The following TCF7L1 variants were observed in gnomAD, a reference collection of about 807,000 sequenced individuals.
TCF7L1 encodes transcription factor 7-like 1.
In TCF7L1, 18 loss-of-function variants were observed where a neutral mutation model predicts 63.7. The observed-to-expected ratio is 0.28, with a 90% CI of 0.20 to 0.42. TCF7L1 has a LOEUF of 0.42. Ranked by LOEUF, TCF7L1 falls within the 10% of genes least tolerant of loss-of-function variation. The probability of loss-of-function intolerance (pLI) is 1.00; values close to 1 mark genes in which losing one functional copy is unlikely to be tolerated. For synonymous variants in TCF7L1, 355 were observed against 340.9 expected (o/e 1.04, Z -0.46); for missense variants, 654 against 779.3 (o/e 0.84, Z 1.91).
chr2:85,209,879 T>C (rs1016067534), intron 3 of TCF7L1, among the ~76,000 whole-genome samples: 16 of 152,098 alleles, frequency 1.1e-4, no homozygotes, highest in African/African-American at 3.4e-4. Flanking sequence ...AGATCTGGGG[T>C]GGTTCCAGAC....
Position 85,133,926 on chromosome 2 carries a change from A to C in TCF7L1, c.242A>C (p.Asp81Ala). ...TCGGAGAACCAGAGCAGCAGCTCGG[A>C]CTCGGAGGTAAGGAAGCACCGCGGC... Reference protein sequence around the residue: ...NESENQSSSSDSEAERRPQPV... With the variant: ...NESENQSSSSASEAERRPQPV... Residue 81 changes from aspartate (D) to alanine (A), a missense_variant, in exon 1 of 12, where the codon GAC (aspartate) becomes GCC (alanine). Coordinates refer to ENST00000282111, the MANE Select transcript of TCF7L1 (RefSeq NM_031283.3). The surrounding 1 kb of genome is among the most constrained non-coding windows in gnomAD (Gnocchi z 4.4). 6.5e-7 allele frequency: 1 copy of C among 1,534,802 alleles called. No homozygotes were observed. The highest frequency in any genetic ancestry group is 8.8e-7 in the Non-Finnish European group (1 of 1,136,514).
intron 3 of TCF7L1, among the ~76,000 whole-genome samples, chr2:85,282,928 C>T (rs1310162886): frequency 2.6e-5 from 4 of 151,400 alleles, no homozygotes; most frequent in African/African-American, 4.9e-5. Context: ...GGTTGAGAGA[C>T]GCTATAATGA....
chr2:85,158,294 T>C (rs1244168280), intron 3 of TCF7L1, among the ~76,000 whole-genome samples: 2 of 152,160 alleles, frequency 1.3e-5, no homozygotes, highest in African/African-American at 4.8e-5. Flanking sequence ...CATGGCACTT[T>C]AGAACATAGG....
At position 85,201,328 on chromosome 2, in the gene TCF7L1, T is replaced by G. The variant is rs1003278796; in HGVS notation, c.441+66878T>G. Reference sequence around the variant, plus strand: ...ATTTCTCTGACTATAAATGGTGCCATGTACAGTCTGTGTGTGCAAAAGTTT... The same window carrying G: ...ATTTCTCTGACTATAAATGGTGCCAGGTACAGTCTGTGTGTGCAAAAGTTT... On this transcript the variant is annotated intron_variant, in intron 3 of 11. Coordinates refer to ENST00000282111, the MANE Select transcript of TCF7L1 (RefSeq NM_031283.3). 2.0e-5 allele frequency among the ~76,000 whole-genome samples: 3 copies of G among 152,248 alleles called. No individual in the cohort carries two copies. The South Asian group carries it at 6.2e-4, about 31-fold the overall frequency.
Position 85,240,006 on chromosome 2 carries a change from A to G in TCF7L1, c.442-43489A>G, listed in dbSNP as rs1470416078. On this transcript the variant is annotated intron_variant, in intron 3 of 11. Transcript: ENST00000282111. ...AAAAGGAAGCAAGTAAATTAATTTT[A>G]ATAGTATATCTTATGTAACCCAATT... is the stretch of plus-strand genomic sequence containing the variant. 2.0e-5 allele frequency among the ~76,000 whole-genome samples: 3 copies of G among 152,102 alleles called. No homozygotes were observed. The East Asian group carries it at 5.8e-4, about 29-fold the overall frequency.
Position 85,134,087 on chromosome 2 carries a change from C to T in TCF7L1, c.313+8C>T, listed in dbSNP as rs1677530562. 1 of 1,608,888 alleles carries T rather than the reference C, an allele frequency of 6.2e-7. No individual in the cohort carries two copies. Among genetic ancestry groups the T allele is most frequent in the Non-Finnish European group, 8.5e-7 (1 of 1,178,760 alleles). On this transcript the variant is annotated splice_region_variant and intron_variant, in intron 2 of 11. Transcript: ENST00000282111. This position sits in a 1 kb window ranked among gnomAD's most constrained non-coding sequence, Gnocchi z 5.0. ...GGGACTATTTCGCCGAAGGTATGTG[C>T]CCGCTGGGACAGCCCCCCACTCTCG...
chr2:85,211,548 T>C (rs1679540419), intron 3 of TCF7L1, among the ~76,000 whole-genome samples: 1 of 152,206 alleles, frequency 6.6e-6, no homozygotes, highest in South Asian at 2.1e-4. Flanking sequence ...CTATGTGGGA[T>C]TTCATAAAAC....
chr2:85,281,879 C>T (rs963103787), intron 3 of TCF7L1, among the ~76,000 whole-genome samples: 1 of 152,208 alleles, frequency 6.6e-6, no homozygotes, highest in Non-Finnish European at 1.5e-5. Context: ...AGCAAAGGGG[C>T]CTTCTGGGGC....
chr2:85,167,902 G>A (rs1225885390), intron 3 of TCF7L1, among the ~76,000 whole-genome samples: 1 of 152,140 alleles, frequency 6.6e-6, no homozygotes, highest in East Asian at 1.9e-4. Context: ...TGCCGTTTGT[G>A]ACAACAAATG....
At chr2:85,183,148 G>C (rs960221392) in intron 3 of TCF7L1, among the ~76,000 whole-genome samples, 4 of 152,128 alleles carry the variant, frequency 2.6e-5, no homozygotes, top group South Asian at 2.1e-4. Flanking sequence ...GTGAAAAGGG[G>C]CAGCACAGAG....
chr2:85,232,307 T>C (rs1351239146), intron 3 of TCF7L1, among the ~76,000 whole-genome samples: 1 of 152,214 alleles, frequency 6.6e-6, no homozygotes, highest in Non-Finnish European at 1.5e-5. Flanking sequence ...GGTCAAGCGA[T>C]CTGTATACAT....
chr2:85,216,362 G>A (rs551881433), intron 3 of TCF7L1, among the ~76,000 whole-genome samples: 3 of 152,112 alleles, frequency 2.0e-5, no homozygotes, highest in African/African-American at 4.8e-5. Flanking sequence ...CAATTTGCCC[G>A]TTTCCGCTGC....
chr2:85,151,223 TGTGA>T (rs1177703590), intron 3 of TCF7L1, among the ~76,000 whole-genome samples: 1 of 152,214 alleles, frequency 6.6e-6, no homozygotes, highest in Non-Finnish European at 1.5e-5. Flanking sequence ...TTTCATAGGA[TGTGA>T]GTAACTTCCT....
chr2:85,162,696 A>C (rs138024593), intron 3 of TCF7L1, among the ~76,000 whole-genome samples: 3 of 152,196 alleles, frequency 2.0e-5, no homozygotes, highest in Admixed American at 6.5e-5. Context: ...AGGGACACTG[A>C]TAAGGACATG....
chr2:85,211,310 A>G (rs1363452389), intron 3 of TCF7L1, among the ~76,000 whole-genome samples: 2 of 152,226 alleles, frequency 1.3e-5, no homozygotes, highest in Non-Finnish European at 2.9e-5. Context: ...AGGTGTGTGC[A>G]CAGCACTGCC....
intron 3 of TCF7L1, among the ~76,000 whole-genome samples, chr2:85,137,906 A>G (rs7607791): frequency 0.014 from 2,084 of 151,722 alleles, 20 homozygotes; most frequent in Non-Finnish European, 0.021. Flanking sequence ...AAAAAAAAAA[A>G]AAAGAAAGAA....
chr2:85,246,777 T>C (rs922011484), intron 3 of TCF7L1, among the ~76,000 whole-genome samples: 1 of 152,182 alleles, frequency 6.6e-6, no homozygotes, highest in East Asian at 1.9e-4. Context: ...TTTTTTCTTA[T>C]CTCATGAAAT....
intron 4 of TCF7L1, among the ~76,000 whole-genome samples, chr2:85,296,887 A>G (rs777932864): frequency 9.2e-5 from 14 of 152,256 alleles, no homozygotes; most frequent in South Asian, 2.1e-4. Context: ...AAAAGAGGCA[A>G]TTAAGAAAGT....
rs958700755 is a variant in TCF7L1 at position 85,134,762 on chromosome 2, G to C, written c.441+312G>C. Among the ~76,000 whole-genome samples the C allele has an allele frequency of 6.6e-6, 1 of 152,208 alleles. No homozygotes were observed. Among genetic ancestry groups the C allele is most frequent in the Non-Finnish European group, 1.5e-5 (1 of 68,050 alleles). On this transcript the variant is annotated intron_variant, in intron 3 of 11. Coordinates refer to ENST00000282111, the MANE Select transcript of TCF7L1 (RefSeq NM_031283.3). The surrounding 1 kb of genome is among the most constrained non-coding windows in gnomAD (Gnocchi z 5.0). ...CTTGGATTTGTGCCCGCTTTGGGGG[G>C]GTCTCGCTTTCCTTCTTGGAAATCG...
Sources: allele counts gnomAD v4.1 joint callset (sites outside exome capture counted in the v4.1 genomes callset), GRCh38; gene constraint gnomAD v4.1.1; non-coding constraint Gnocchi (gnomAD v3.1); transcripts MANE v1.5; gene names NCBI Gene and HGNC (gene_info 2026-07-23, HGNC 2026-07-21).